Variants in TRIM67 observed in about 807,000 individuals in gnomAD.
The protein encoded by TRIM67 is tripartite motif-containing protein 67.
Under a neutral mutation model 71.0 loss-of-function variants are expected in TRIM67, and 39 were observed. The observed-to-expected ratio is 0.55, with a 90% CI of 0.43 to 0.72. The LOEUF (loss-of-function observed/expected upper bound fraction) is 0.72. Ranked by LOEUF, TRIM67 falls within the 30% of genes least tolerant of loss-of-function variation. The pLI, the probability that TRIM67 is intolerant of heterozygous loss-of-function variation, is 0.00. For synonymous variants in TRIM67, 481 were observed against 473.9 expected (o/e 1.01, Z -0.19); for missense variants, 973 against 1,079.2 (o/e 0.90, Z 1.38).
intron 1 of TRIM67, among the ~76,000 whole-genome samples, chr1:231,169,070 T>C (rs7520563): frequency 0.039 from 5,974 of 152,178 alleles, 195 homozygotes; most frequent in African/African-American, 0.09. Flanking sequence ...TTTATTTTTA[T>C]TTGTTGAGAT....
At position 231,163,842 on chromosome 1, in the gene TRIM67, G is replaced by T. The variant is rs1460438080; in HGVS notation, c.873G>T (p.Ala291=). 1.3e-6 allele frequency: 2 copies of T among 1,537,178 alleles called. No homozygotes were observed. The highest frequency in any genetic ancestry group is 1.2e-5 in the South Asian group (1 of 81,972). The part of the protein sequence containing the change: ...CKSPGGAGAG[A]TGGSTARKFP... ...GCCCGGGAGGCGCGGGGGCGGGGGC[G>T]ACTGGGGGCAGCACGGCCCGCAAGT... Residue 291 remains alanine, a synonymous_variant, in exon 1 of 10, where the codon GCG becomes GCT. Coordinates refer to ENST00000366653, the MANE Select transcript of TRIM67 (RefSeq NM_001004342.5).
rs1479343949 is a variant in TRIM67, at chr1:231,219,385, A to T, written c.*3945A>T. 1 of 993,610 alleles carries T rather than the reference A, an allele frequency of 1.0e-6. No homozygotes were observed. Among genetic ancestry groups the T allele is most frequent in the Non-Finnish European group, 1.2e-6 (1 of 835,440 alleles). The allele number at this position is 993,610 out of a possible 1,614,324, so 61.5% of individuals were successfully genotyped here. ...AGGTTATGCCAGTGGTTTGTCATGC[A>T]TGGATCTGTAGAGGGACTGTGGCGC... On this transcript the variant is annotated 3_prime_UTR_variant, in exon 10 of 10. Transcript: ENST00000366653.
At position 231,220,768 on chromosome 1, in the gene TRIM67, C is replaced by G. The variant is rs1167367323; in HGVS notation, c.*5328C>G. ...TGGGAGTTGAGACCTCCAGGGAAGT[C>G]TCGTCCGGATCCATCGCTCTTCTCT... On this transcript the variant is annotated 3_prime_UTR_variant, in exon 10 of 10. Coordinates refer to ENST00000366653, the MANE Select transcript of TRIM67 (RefSeq NM_001004342.5). 2.6e-5 allele frequency: 4 copies of G among 152,328 alleles called. No homozygotes were observed. The highest frequency in any genetic ancestry group is 1.3e-4 in the Admixed American group (2 of 15,284). The allele number at this position is 152,328 out of a possible 1,614,324, so 9.4% of individuals were successfully genotyped here.
At chr1:231,199,610 C>T (rs1683465666) in intron 3 of TRIM67, among the ~76,000 whole-genome samples, 1 of 152,174 alleles carries the variant, frequency 6.6e-6, no homozygotes, top group Non-Finnish European at 1.5e-5. Context: ...TCTCCCCTCA[C>T]GTCACACTGA....
chr1:231,171,497 A>G (rs921407569), intron 1 of TRIM67, among the ~76,000 whole-genome samples: 1 of 151,956 alleles, frequency 6.6e-6, no homozygotes, highest in Non-Finnish European at 1.5e-5. Flanking sequence ...CTCTTTAGCC[A>G]TTTTCGGTGG....
chr1:231,168,191 ACTC>A (rs1571867572), intron 1 of TRIM67, among the ~76,000 whole-genome samples: 1 of 151,160 alleles, frequency 6.6e-6, no homozygotes, highest in South Asian at 2.1e-4. Flanking sequence ...TCTCAATTGA[ACTC>A]CTGGCCTCAA....
intron 5 of TRIM67, among the ~76,000 whole-genome samples, chr1:231,201,900 T>A (rs1429592006): frequency 5.6e-5 from 8 of 142,632 alleles, no homozygotes; most frequent in African/African-American, 2.1e-4. Context: ...GAGAAGGAAA[T>A]AGACACTAAA....
intron 1 of TRIM67, chr1:231,184,127 A>T (rs920118248): frequency 2.0e-5 from 3 of 152,248 alleles, no homozygotes; most frequent in Non-Finnish European, 2.9e-5. Context: ...TATTCCAACC[A>T]GCAGTTTGCC....
chr1:231,218,422 T>C lies in TRIM67; in HGVS notation c.*2982T>C. 1.0e-6 allele frequency: 1 copy of C among 985,830 alleles called. No individual in the cohort carries two copies. The allele number at this position is 985,830 out of a possible 1,614,324, so 61.1% of individuals were successfully genotyped here. ...TGCATTGTAAATAGTGCCTCTGTAA[T>C]GTGGTTCTGCAGTTGTTCTTTGCTA... On this transcript the variant is annotated 3_prime_UTR_variant, in exon 10 of 10. Coordinates refer to ENST00000366653, the MANE Select transcript of TRIM67 (RefSeq NM_001004342.5).
chr1:231,200,923 C>T (rs116204465), intron 4 of TRIM67, among the ~76,000 whole-genome samples: 112 of 152,194 alleles, frequency 7.4e-4, no homozygotes, highest in Middle Eastern at 3.4e-3. Context: ...AAGAAACACA[C>T]GGGCAGGGGG....
Position 231,213,797 on chromosome 1 carries a change from TG to T in TRIM67, c.2124-14del. ...AGGCTGGGTGTGGTGATGGTCTTCC[TG>T]GGGACTCTCTTCCCAGGACGGAAGG... On this transcript the variant is annotated splice_polypyrimidine_tract_variant and intron_variant, in intron 8 of 9. Transcript: ENST00000366653. 1 of 1,564,356 alleles carries T rather than the reference TG, an allele frequency of 6.4e-7. No homozygotes were observed. The highest frequency in any genetic ancestry group is 8.7e-7 in the Non-Finnish European group (1 of 1,152,412).
chr1:231,214,367 A>G (rs1246715783), intron 9 of TRIM67, among the ~76,000 whole-genome samples: 1 of 152,020 alleles, frequency 6.6e-6, no homozygotes, highest in East Asian at 1.9e-4. Flanking sequence ...GGGGAGTTGG[A>G]GTGTGGGGAG....
intron 1 of TRIM67, among the ~76,000 whole-genome samples, chr1:231,183,805 T>C (rs1166212447): frequency 6.6e-6 from 1 of 152,126 alleles, no homozygotes; most frequent in Non-Finnish European, 1.5e-5. Flanking sequence ...TTACTGCTAT[T>C]ACCCGCCTTT....
intron 3 of TRIM67, 74 bp from the exon 4 acceptor site, chr1:231,200,074 T>A: frequency 8.6e-7 from 1 of 1,161,004 alleles, no homozygotes; most frequent in Non-Finnish European, 1.3e-6. Flanking sequence ...TGGCACTAGT[T>A]CTCTGACTCT....
intron 1 of TRIM67, among the ~76,000 whole-genome samples, chr1:231,190,616 G>A (rs1683205950): frequency 1.3e-5 from 2 of 152,148 alleles, no homozygotes; most frequent in African/African-American, 2.4e-5. Flanking sequence ...TGCTGAGCTG[G>A]CTCCTCCCTA....
At chr1:231,194,922 G>GTC (rs879458065) in intron 1 of TRIM67, among the ~76,000 whole-genome samples, 3 of 152,110 alleles carry the variant, frequency 2.0e-5, no homozygotes, top group Non-Finnish European at 2.9e-5. Context: ...CGGCAGGGAG[G>GTC]TCTCTCTATG....
At position 231,217,365 on chromosome 1, in the gene TRIM67, G is replaced by T; in HGVS notation, c.*1925G>T. On this transcript the variant is annotated 3_prime_UTR_variant, in exon 10 of 10. Coordinates refer to ENST00000366653, the MANE Select transcript of TRIM67 (RefSeq NM_001004342.5). The stretch of plus-strand genomic sequence containing the variant: ...TCTCCTCCTCCCATCCCAGAGCCCT[G>T]TCCAGAGCTCTTGGTGGTGACACAC... The T allele has an allele frequency of 3.0e-6, 3 of 986,676 alleles. No individual in the cohort carries two copies. Among genetic ancestry groups the T allele is most frequent in the Non-Finnish European group, 3.6e-6 (3 of 830,794 alleles). 61.1% of individuals were successfully genotyped at this position (986,676 alleles called of 1,614,324 possible).
chr1:231,196,032 G>A (rs1477624950), intron 1 of TRIM67, among the ~76,000 whole-genome samples: 1 of 152,206 alleles, frequency 6.6e-6, no homozygotes, highest in Non-Finnish European at 1.5e-5. Context: ...GATAAGCTGT[G>A]AGCCACCCAG....
At position 231,203,968 on chromosome 1, in the gene TRIM67, G is replaced by C. The variant is rs779940961; in HGVS notation, c.1636G>C (p.Gly546Arg). Residue 546 changes from glycine to arginine, a missense_variant, in exon 6 of 10, where the codon GGC (glycine) becomes CGC (arginine). This residue lies in a region of TRIM67 where 795 missense variants were observed against 831.3 expected (regional missense o/e 0.96). Coordinates refer to ENST00000366653, the MANE Select transcript of TRIM67 (RefSeq NM_001004342.5). ...MPPFTHSPVD[G>R]YILELDDGAG... ...ACCCTTCACCCACAGCCCCGTGGAC[G>C]GCTACATCCTGGAGCTGGACGACGG... 1.2e-6 allele frequency: 2 copies of C among 1,613,978 alleles called. No individual in the cohort carries two copies. The highest frequency in any genetic ancestry group is 1.7e-6 in the Non-Finnish European group (2 of 1,179,866).
Sources: allele counts gnomAD v4.1 joint callset (sites outside exome capture counted in the v4.1 genomes callset), GRCh38; gene constraint gnomAD v4.1.1; regional missense constraint gnomAD v4.1.1; transcripts MANE v1.5; gene names NCBI Gene and HGNC (gene_info 2026-07-23, HGNC 2026-07-21).